Variants in DLGAP1 observed in about 807,000 individuals in gnomAD.
The protein encoded by DLGAP1 is disks large-associated protein 1.
Under a neutral mutation model 90.8 loss-of-function variants are expected in DLGAP1, and 11 were observed. That is an observed-to-expected ratio of 0.12 (90% confidence interval 0.08 to 0.20). The LOEUF is 0.20. Among genes scored for constraint, DLGAP1 ranks in the 10% least tolerant of loss-of-function variants. The pLI is 1.00. For missense variants in DLGAP1, 1,050 were observed against 1,333.8 expected (o/e 0.79, Z 3.31); for synonymous variants, 558 against 540.7 (o/e 1.03, Z -0.44).
intron 3 of DLGAP1, among the ~76,000 whole-genome samples, chr18:3,916,498 C>T (rs991251455): frequency 2.6e-5 from 4 of 152,162 alleles, no homozygotes; most frequent in Non-Finnish European, 5.9e-5. Context: ...ATAGTCATAA[C>T]CTATATGACT....
At chr18:3,664,736 CA>C (rs1223566358) in intron 7 of DLGAP1, among the ~76,000 whole-genome samples, 1 of 152,294 alleles carries the variant, frequency 6.6e-6, no homozygotes, top group Admixed American at 6.5e-5. Context: ...TCCATGAGAA[CA>C]AAGGGTAAGA....
rs149743140 is a variant in DLGAP1, at chr18:3,862,939, G to A, written c.957+16173C>T. Among the ~76,000 whole-genome samples, 80 of 152,338 alleles carry A rather than the reference G, an allele frequency of 5.3e-4. 1 individual carries two copies. The East Asian group carries it at 0.014, about 26-fold the overall frequency. ...ACACAGAAAACTACCAGGCAATTTG[G>A]ACACCTCTAATCACTGGGACATCAC... On this transcript the variant is annotated intron_variant, in intron 4 of 12. Coordinates refer to ENST00000315677, the MANE Select transcript of DLGAP1 (RefSeq NM_004746.4).
intron 1 of DLGAP1, among the ~76,000 whole-genome samples, chr18:4,436,099 G>T (rs2083392747): frequency 6.6e-6 from 1 of 152,190 alleles, no homozygotes; most frequent in Non-Finnish European, 1.5e-5. Flanking sequence ...GGTAGGGAAG[G>T]TTAGAAAATA....
chr18:4,150,128 C>T (rs2076650466), intron 2 of DLGAP1, among the ~76,000 whole-genome samples: 1 of 152,202 alleles, frequency 6.6e-6, no homozygotes, highest in Admixed American at 6.5e-5. Flanking sequence ...CTGATTCACT[C>T]TTCCTGCTTC....
chr18:4,223,461 T>C (rs2078121091), intron 1 of DLGAP1, among the ~76,000 whole-genome samples: 1 of 152,168 alleles, frequency 6.6e-6, no homozygotes, highest in South Asian at 2.1e-4. Flanking sequence ...CTTTGAGGTA[T>C]CAGTGGGTAC....
At position 4,124,960 on chromosome 18, in the gene DLGAP1, G is replaced by A. The variant is rs1598440651; in HGVS notation, c.-159+26220C>T. 2.0e-5 allele frequency among the ~76,000 whole-genome samples: 3 copies of A among 152,292 alleles called. 1 individual carries two copies. The highest frequency in any genetic ancestry group is 3.9e-4 in the East Asian group (2 of 5,172). On this transcript the variant is annotated intron_variant, in intron 2 of 12. Transcript: ENST00000315677. ...CAAGACTAGGTACCCCGGAATCAGG[G>A]CCTCGAGCATGGCAAGCAAGCATGG...
At chr18:3,697,972 T>G (rs2061150992) in intron 7 of DLGAP1, among the ~76,000 whole-genome samples, 1 of 152,198 alleles carries the variant, frequency 6.6e-6, no homozygotes. Context: ...CTTTATTGGC[T>G]TAAAGTCTGT....
At chr18:3,504,028 G>A (rs921348626) in intron 11 of DLGAP1, among the ~76,000 whole-genome samples, 7 of 152,230 alleles carry the variant, frequency 4.6e-5, no homozygotes, top group Non-Finnish European at 7.4e-5. Flanking sequence ...CCTGAGAGGC[G>A]GAGATTGCAG....
At chr18:4,002,961 T>G (rs959938036) in intron 3 of DLGAP1, among the ~76,000 whole-genome samples, 1 of 152,176 alleles carries the variant, frequency 6.6e-6, no homozygotes, top group African/African-American at 2.4e-5. Flanking sequence ...GTGTTCTGGA[T>G]GCTGATACAA....
intron 7 of DLGAP1, among the ~76,000 whole-genome samples, chr18:3,657,037 C>T (rs943660389): frequency 5.3e-5 from 8 of 152,348 alleles, no homozygotes; most frequent in Admixed American, 5.2e-4. Context: ...TGAGCCACCA[C>T]ATTTGGCTTT....
chr18:3,519,737 G>T (rs982633691), intron 10 of DLGAP1, among the ~76,000 whole-genome samples: 9 of 152,156 alleles, frequency 5.9e-5, no homozygotes, highest in African/African-American at 2.2e-4. Context: ...TGCCATGCAA[G>T]GACACAGGGT....
At chr18:4,424,577 A>G (rs1274370924) in intron 1 of DLGAP1, among the ~76,000 whole-genome samples, 1 of 152,198 alleles carries the variant, frequency 6.6e-6, no homozygotes, top group East Asian at 1.9e-4. Context: ...CATTTATATC[A>G]CAGTCTCTTA....
rs2051639693 is a variant in DLGAP1 at position 3,526,688 on chromosome 18, G to A, written c.2479+7506C>T. On this transcript the variant is annotated intron_variant, in intron 10 of 12. Transcript: ENST00000315677. The surrounding 1 kb of genome is among the most constrained non-coding windows in gnomAD (Gnocchi z 4.7). ...TTTCATCTTAGGGCCATTGAAACCT[G>A]AGCCTATGTTCTTTCCCCACAGTGG... is the stretch of plus-strand genomic sequence containing the variant. 1.3e-5 allele frequency among the ~76,000 whole-genome samples: 2 copies of A among 152,228 alleles called. No individual in the cohort carries two copies. Among genetic ancestry groups the A allele is most frequent in the Admixed American group, 1.3e-4 (2 of 15,280 alleles).
intron 10 of DLGAP1, among the ~76,000 whole-genome samples, chr18:3,522,152 T>TC (rs1190273951): frequency 1.3e-5 from 2 of 150,614 alleles, no homozygotes; most frequent in East Asian, 3.9e-4. Flanking sequence ...TTTTTTTTTT[T>TC]TTAGACAGAG....
At chr18:3,871,387 T>C (rs796531907) in intron 4 of DLGAP1, among the ~76,000 whole-genome samples, 15 of 150,988 alleles carry the variant, frequency 9.9e-5, no homozygotes, top group African/African-American at 3.7e-4. Context: ...AAATTGTCAT[T>C]TTAAGGGGAA....
chr18:4,104,688 G>A (rs893435289), intron 2 of DLGAP1, among the ~76,000 whole-genome samples: 5 of 152,024 alleles, frequency 3.3e-5, no homozygotes, highest in Non-Finnish European at 5.9e-5. Flanking sequence ...TGCAGATTAC[G>A]TATAGTATAC....
At chr18:3,799,497 GC>G (rs1568155176) in intron 5 of DLGAP1, among the ~76,000 whole-genome samples, 1 of 100,142 alleles carries the variant, frequency 1.0e-5, no homozygotes, top group Non-Finnish European at 2.4e-5. Flanking sequence ...AAAACGTAGT[GC>G]CTTTTTTTTT....
chr18:3,565,469 T>C lies in DLGAP1; in HGVS notation c.2057+2021A>G, dbSNP rs1025172493. Among the ~76,000 whole-genome samples the C allele has an allele frequency of 2.6e-5, 4 of 152,108 alleles. No homozygotes were observed. The highest frequency in any genetic ancestry group is 4.4e-5 in the Non-Finnish European group (3 of 67,990). On this transcript the variant is annotated intron_variant, in intron 9 of 12. Transcript: ENST00000315677. This position sits in a 1 kb window ranked among gnomAD's most constrained non-coding sequence, Gnocchi z 4.0. ...ATGTCCAGGAATATATTTTCTTTAATGTCTACTAAATGTATACTTTCAAAA... is the reference window on the plus strand; with the variant it reads ...ATGTCCAGGAATATATTTTCTTTAACGTCTACTAAATGTATACTTTCAAAA...
chr18:3,507,321 TAAAACAAAAC>T (rs71366673), intron 11 of DLGAP1, among the ~76,000 whole-genome samples: 61,185 of 148,068 alleles, frequency 0.41, 13,291 homozygotes, highest in East Asian at 0.67. Context: ...CCGTCTCTAC[TAAAACAAAAC>T]AAAACAAAAC....
Sources: allele counts gnomAD v4.1 joint callset (sites outside exome capture counted in the v4.1 genomes callset), GRCh38; gene constraint gnomAD v4.1.1; non-coding constraint Gnocchi (gnomAD v3.1); transcripts MANE v1.5; gene names NCBI Gene and HGNC (gene_info 2026-07-23, HGNC 2026-07-21).